Variants in RUNX1 observed in about 807,000 individuals in gnomAD.
The protein encoded by RUNX1 is RUNX family transcription factor 1, also known as runt-related transcription factor 1.
A neutral mutation model predicts 42.8 loss-of-function variants in RUNX1; 19 were observed. The observed-to-expected ratio is 0.44, with a 90% CI of 0.31 to 0.65. The LOEUF (loss-of-function observed/expected upper bound fraction) is 0.65, where lower values mean the gene tolerates loss of function less well. Ranked by LOEUF, RUNX1 falls within the 30% of genes least tolerant of loss-of-function variation. The pLI, the probability that RUNX1 is intolerant of heterozygous loss-of-function variation, is 0.07. For synonymous variants in RUNX1, 271 were observed against 289.4 expected (o/e 0.94, Z 0.64); for missense variants, 528 against 672.0 (o/e 0.79, Z 2.37).
intron 2 of RUNX1, among the ~76,000 whole-genome samples, chr21:35,045,452 G>C (rs1044197108): frequency 6.6e-6 from 1 of 152,036 alleles, no homozygotes; most frequent in Non-Finnish European, 1.5e-5. Flanking sequence ...TTGGACATAG[G>C]GTTTTAAAAT....
intron 2 of RUNX1, among the ~76,000 whole-genome samples, chr21:35,021,518 A>C (rs945908426): frequency 9.2e-5 from 14 of 152,256 alleles, no homozygotes; most frequent in Non-Finnish European, 1.5e-5. Context: ...ATAATATATA[A>C]ATACACTGAG....
At chr21:34,889,645 T>G (rs891475614) in intron 3 of RUNX1, 21 of 1,104,588 alleles carry the variant, frequency 1.9e-5, no homozygotes, top group Non-Finnish European at 2.3e-5. Flanking sequence ...CCCGCCCCCG[T>G]GCGCTCGAGC....
intron 7 of RUNX1, among the ~76,000 whole-genome samples, chr21:34,819,953 A>G (rs1348061855): frequency 6.6e-6 from 1 of 152,280 alleles, no homozygotes; most frequent in Non-Finnish European, 1.5e-5. Flanking sequence ...TATTTACTCA[A>G]AATCACACAG....
At chr21:34,971,285 G>A (rs1202430285) in intron 2 of RUNX1, among the ~76,000 whole-genome samples, 1 of 152,116 alleles carries the variant, frequency 6.6e-6, no homozygotes, top group Non-Finnish European at 1.5e-5. Flanking sequence ...AAAAGATATA[G>A]CATGTAACTT....
At chr21:34,918,008 A>T (rs1446954479) in intron 2 of RUNX1, among the ~76,000 whole-genome samples, 1 of 151,444 alleles carries the variant, frequency 6.6e-6, no homozygotes, top group African/African-American at 2.4e-5. Flanking sequence ...GGGTGCCTGT[A>T]GTACCAGCTA....
intron 2 of RUNX1, among the ~76,000 whole-genome samples, chr21:34,964,226 C>T (rs929236853): frequency 3.3e-5 from 5 of 152,254 alleles, no homozygotes; most frequent in Middle Eastern, 6.8e-3. Flanking sequence ...CGGTGGCTCA[C>T]GCCTGTAATT....
chr21:34,886,178 A>T (rs923414441), intron 4 of RUNX1, among the ~76,000 whole-genome samples: 2 of 152,190 alleles, frequency 1.3e-5, no homozygotes, highest in Admixed American at 1.3e-4. Flanking sequence ...AGGTGAGCTG[A>T]TGATAGCATT....
At chr21:35,026,404 G>C (rs1003906943) in intron 2 of RUNX1, among the ~76,000 whole-genome samples, 1 of 152,170 alleles carries the variant, frequency 6.6e-6, no homozygotes, top group Non-Finnish European at 1.5e-5. Context: ...CATAGAATCA[G>C]GCCAGGTCAA....
chr21:34,874,803 A>G (rs577187196), intron 5 of RUNX1, among the ~76,000 whole-genome samples: 1 of 152,262 alleles, frequency 6.6e-6, no homozygotes, highest in African/African-American at 2.4e-5. Flanking sequence ...TATTAGAACC[A>G]GAGCAGGGTT....
chr21:34,806,861 C>A (rs1274425876), intron 7 of RUNX1, among the ~76,000 whole-genome samples: 1 of 151,978 alleles, frequency 6.6e-6, no homozygotes, highest in Non-Finnish European at 1.5e-5. Flanking sequence ...CAACATACTT[C>A]TACATTAGAC....
chr21:34,847,735 A>T (rs1378156095), intron 6 of RUNX1, among the ~76,000 whole-genome samples: 1 of 152,192 alleles, frequency 6.6e-6, no homozygotes. Context: ...CTTTAATTGG[A>T]AAAAGATCAC....
chr21:34,833,961 C>T (rs1282808025), intron 7 of RUNX1: 4 of 327,514 alleles, frequency 1.2e-5, no homozygotes, highest in South Asian at 2.6e-5. Flanking sequence ...GATACAAAAC[C>T]CACAAATAAT....
chr21:34,990,382 G>GA (rs1490634408), intron 2 of RUNX1, among the ~76,000 whole-genome samples: 6 of 152,218 alleles, frequency 3.9e-5, no homozygotes, highest in Non-Finnish European at 8.8e-5. Context: ...GGAACCCCCA[G>GA]AATGGCAGAG....
chr21:35,048,818 AT>A (rs778554078), intron 2 of RUNX1, 23 bp downstream of exon 2: 2 of 1,602,168 alleles, frequency 1.2e-6, no homozygotes, highest in East Asian at 2.2e-5. Context: ...AAAAGTAGAT[AT>A]TACAAGACCA....
chr21:34,792,068 A>T lies in RUNX1; in HGVS notation c.*67T>A. 1.9e-6 allele frequency: 2 copies of T among 1,031,892 alleles called. No individual in the cohort carries two copies. The highest frequency in any genetic ancestry group is 2.6e-6 in the Non-Finnish European group (2 of 780,790). 63.9% of individuals were successfully genotyped at this position (1,031,892 alleles called of 1,614,324 possible). ...GGATCCCGGCGGGCTTGTCGCGAACAGGAGGCCCGCGCGCCCGGAGGCGAA... is the reference window on the plus strand; with the variant it reads ...GGATCCCGGCGGGCTTGTCGCGAACTGGAGGCCCGCGCGCCCGGAGGCGAA... On this transcript the variant is annotated 3_prime_UTR_variant, in exon 9 of 9. Coordinates refer to ENST00000675419, the MANE Select transcript of RUNX1 (RefSeq NM_001754.5). This position sits in a 1 kb window ranked among gnomAD's most constrained non-coding sequence, Gnocchi z 6.9.
At chr21:34,796,143 TCTCA>T (rs2056524651) in intron 8 of RUNX1, among the ~76,000 whole-genome samples, 1 of 152,190 alleles carries the variant, frequency 6.6e-6, no homozygotes, top group Non-Finnish European at 1.5e-5. Context: ...GATGTTATGG[TCTCA>T]GCTGTTGGGG....
chr21:34,825,712 AC>A (rs927154479), intron 7 of RUNX1, among the ~76,000 whole-genome samples: 3 of 152,010 alleles, frequency 2.0e-5, no homozygotes, highest in African/African-American at 4.8e-5. Context: ...CCATTTCCTC[AC>A]CCCCAGAACT....
intron 7 of RUNX1, chr21:34,832,987 T>A (rs547954929): frequency 6.6e-6 from 1 of 152,334 alleles, no homozygotes; most frequent in South Asian, 2.1e-4. Flanking sequence ...TTTGGAAATT[T>A]TCCAATCAAG....
At chr21:34,982,997 G>A (rs1219461304) in intron 2 of RUNX1, among the ~76,000 whole-genome samples, 1 of 152,196 alleles carries the variant, frequency 6.6e-6, no homozygotes, top group African/African-American at 2.4e-5. Context: ...ATATTAAGCT[G>A]TTTCCCAAGT....
Sources: gnomAD v4.1 joint callset for allele counts (sites outside exome capture counted in the v4.1 genomes callset) on GRCh38, gnomAD v4.1.1 for gene constraint, Gnocchi (gnomAD v3.1) non-coding constraint, MANE v1.5 for transcripts, NCBI Gene and HGNC (gene_info 2026-07-23, HGNC 2026-07-21) for gene names.